Variants in ENOX2 observed in about 807,000 individuals in gnomAD.
ENOX2 encodes the protein ecto-NOX disulfide-thiol exchanger 2.
In ENOX2, 36 loss-of-function variants were observed where a neutral mutation model predicts 45.0. The observed-to-expected ratio is 0.80, with a 90% CI of 0.61 to 1.06. The LOEUF is 1.06. Ranked by LOEUF, ENOX2 falls within the 50% of genes least tolerant of loss-of-function variation. ENOX2 has a pLI of 0.00. For synonymous variants in ENOX2, 174 were observed against 152.3 expected (o/e 1.14, Z -1.05); for missense variants, 423 against 462.5 (o/e 0.91, Z 0.78).
chrX:130,830,652 C>T (rs2077807214), intron 2 of ENOX2, among the ~76,000 whole-genome samples: 1 of 112,127 alleles, frequency 8.9e-6, no homozygotes, highest in South Asian at 3.7e-4. Flanking sequence ...GCCTTGGCTC[C>T]TACTCTTTCA....
chrX:130,774,173 C>T (rs2039801794), intron 3 of ENOX2, among the ~76,000 whole-genome samples: 1 of 112,164 alleles, frequency 8.9e-6, no homozygotes, highest in African/African-American at 3.2e-5. Flanking sequence ...CAGAATACTA[C>T]AAATGTCCAG....
chrX:130,799,072 A>G (rs1032585462), intron 2 of ENOX2, among the ~76,000 whole-genome samples: 2 of 111,820 alleles, frequency 1.8e-5, no homozygotes, highest in African/African-American at 6.5e-5. Context: ...GGGCGATGCC[A>G]AAGGAGATTA....
intron 2 of ENOX2, among the ~76,000 whole-genome samples, chrX:130,846,441 G>A (rs1034958068): frequency 1.8e-5 from 2 of 109,849 alleles, no homozygotes; most frequent in African/African-American, 3.3e-5. Context: ...GGATTCAAGC[G>A]ATTCTCCTGC....
intron 2 of ENOX2, among the ~76,000 whole-genome samples, chrX:130,882,313 T>C (rs73555148): frequency 1.2e-3 from 119 of 98,766 alleles, no homozygotes; most frequent in African/African-American, 3.9e-3. Flanking sequence ...AGGCTATGGA[T>C]GGCCCTGAAT....
In ENOX2 at chrX:130,667,555, C is replaced by T; in HGVS notation, c.882G>A (p.Gln294=). ...ATTGAATGAGAATTCCAGAAAGGGC[C>T]TGCTTGAACTTCTCCTTTGCTTCTT... ...DMEEAKEKFK[Q]ALSGILIQFE... The change falls in exon 8 of 15, where the codon CAG becomes CAA. Residue 294 remains glutamine (Q), a synonymous_variant. Transcript: ENST00000394363. 1.7e-6 allele frequency: 2 copies of T among 1,210,865 alleles called. No homozygotes were observed. Among genetic ancestry groups the T allele is most frequent in the South Asian group, 3.5e-5 (2 of 56,934 alleles).
chrX:130,678,719 T>C lies in ENOX2; in HGVS notation c.460+823A>G, dbSNP rs867657431. On this transcript the variant is annotated intron_variant, in intron 6 of 14. Transcript: ENST00000394363. ...AGCACTTAGTACTGAAAGTAACTTA[T>C]TTATTTGTTTTCATATATATTATAT... is the stretch of plus-strand genomic sequence containing the variant. Among the ~76,000 whole-genome samples, 19 of 110,914 alleles carry C rather than the reference T, an allele frequency of 1.7e-4. 1 individual carries two copies. The Middle Eastern group carries it at 0.014, about 81-fold the overall frequency.
chrX:130,762,977 G>C (rs1313524235), intron 3 of ENOX2, among the ~76,000 whole-genome samples: 1 of 111,141 alleles, frequency 9.0e-6, no homozygotes, highest in Admixed American at 9.5e-5. Context: ...AGTTATATCG[G>C]TTTTTGTTTC....
At chrX:130,627,765 C>A (rs1158483275) in intron 14 of ENOX2, among the ~76,000 whole-genome samples, 193 bp downstream of exon 14, 2 of 112,057 alleles carry the variant, frequency 1.8e-5, no homozygotes. Flanking sequence ...ACTTCAGTCT[C>A]CAGCAAACCA....
At chrX:130,796,500 G>A (rs900678643) in intron 2 of ENOX2, among the ~76,000 whole-genome samples, 4 of 112,125 alleles carry the variant, frequency 3.6e-5, no homozygotes, top group Admixed American at 2.8e-4. Flanking sequence ...AACAAAGCTT[G>A]TCAAAAGATA....
intron 2 of ENOX2, among the ~76,000 whole-genome samples, chrX:130,797,981 C>A (rs1018883350): frequency 1.1e-4 from 12 of 110,539 alleles, no homozygotes; most frequent in Non-Finnish European, 2.3e-4. Context: ...TGTGTCTTAT[C>A]CCTGGCTACA....
chrX:130,658,265 C>A (rs757888307), intron 9 of ENOX2, among the ~76,000 whole-genome samples: 3 of 110,534 alleles, frequency 2.7e-5, no homozygotes, highest in Non-Finnish European at 5.7e-5. Flanking sequence ...AATAACCAGA[C>A]GAGCCTAAAA....
chrX:130,691,928 C>G lies in ENOX2; in HGVS notation c.98-2910G>C, dbSNP rs763353982. On this transcript the variant is annotated intron_variant, in intron 4 of 14. Coordinates refer to ENST00000394363, the MANE Select transcript of ENOX2 (RefSeq NM_006375.4). ...ACTCCTGACTGATGTACTTACCACT[C>G]TGCTGTTTCGTATAATTACATTAAT... Among the ~76,000 whole-genome samples the G allele has an allele frequency of 2.7e-5, 3 of 113,179 alleles. No individual in the cohort carries two copies. In the East Asian group the frequency reaches 8.3e-4, roughly 31 times the overall value.
intron 2 of ENOX2, among the ~76,000 whole-genome samples, chrX:130,868,014 A>G (rs1478714771): frequency 2.7e-5 from 3 of 112,054 alleles, no homozygotes; most frequent in Non-Finnish European, 3.8e-5. Flanking sequence ...AAAGGTCAAA[A>G]TGTAATAAAC....
chrX:130,723,665 A>G (rs1603326779), intron 3 of ENOX2, among the ~76,000 whole-genome samples: 1 of 111,823 alleles, frequency 8.9e-6, no homozygotes, highest in African/African-American at 3.3e-5. Flanking sequence ...TCATTGCAGA[A>G]TCAGTACTAA....
chrX:130,783,194 G>A (rs997528812), intron 3 of ENOX2, among the ~76,000 whole-genome samples: 44 of 111,947 alleles, frequency 3.9e-4, no homozygotes, highest in African/African-American at 1.4e-3. Flanking sequence ...CTCATCTCTT[G>A]TCTCAAGCCT....
intron 3 of ENOX2, among the ~76,000 whole-genome samples, chrX:130,714,297 C>T (rs1156830296): frequency 8.9e-6 from 1 of 111,960 alleles, no homozygotes; most frequent in East Asian, 2.8e-4. Flanking sequence ...AACTCTGGCC[C>T]TACCGTTTAC....
At chrX:130,692,065 A>G (rs931966002) in intron 4 of ENOX2, among the ~76,000 whole-genome samples, 3 of 113,190 alleles carry the variant, frequency 2.7e-5, no homozygotes, top group Non-Finnish European at 5.6e-5. Context: ...CATAGGCTAC[A>G]CTGCCCATAA....
In ENOX2 at chrX:130,679,447, C is replaced by T. The variant is rs2037240569; in HGVS notation, c.460+95G>A. On this transcript the variant is annotated intron_variant, in intron 6 of 14. Coordinates refer to ENST00000394363, the MANE Select transcript of ENOX2 (RefSeq NM_006375.4). The stretch of plus-strand genomic sequence containing the variant: ...CCTCTGAAGGCAAGAGCAGGTAATA[C>T]TAAGCCCAAACTTATCTGCTATAGA... 6 of 739,263 alleles carry T rather than the reference C, an allele frequency of 8.1e-6. No individual in the cohort carries two copies. In the South Asian group the frequency reaches 1.2e-4, roughly 15 times the overall value. The allele number at this position is 739,263 out of a possible 1,213,427, so 60.9% of individuals were successfully genotyped here. A position where few individuals can be genotyped will look rare whatever the true frequency, so the allele number is the denominator to read the frequency against.
At chrX:130,855,562 T>C (rs1424440363) in intron 2 of ENOX2, among the ~76,000 whole-genome samples, 1 of 111,748 alleles carries the variant, frequency 8.9e-6, no homozygotes, top group African/African-American at 3.3e-5. Flanking sequence ...AGCAAGATTT[T>C]TTTTCAGATA....
Sources: allele counts gnomAD v4.1 joint callset (sites outside exome capture counted in the v4.1 genomes callset), GRCh38; gene constraint gnomAD v4.1.1; transcripts MANE v1.5; gene names NCBI Gene and HGNC (gene_info 2026-07-23, HGNC 2026-07-21).